Variants in MBTD1 observed in about 807,000 individuals in gnomAD.
MBTD1 encodes mbt domain containing 1, also known as MBT domain-containing protein 1.
Under a neutral mutation model 87.8 loss-of-function variants are expected in MBTD1, and 24 were observed. That is an observed-to-expected ratio of 0.27 (90% CI 0.20 to 0.38). MBTD1 has a LOEUF of 0.38. MBTD1 is among the 10% of genes least tolerant of loss of function. The pLI, the probability that MBTD1 is intolerant of heterozygous loss-of-function variation, is 1.00. For missense variants in MBTD1, 436 were observed against 760.2 expected, an observed-to-expected ratio of 0.57 and a Z score of 5.02; for synonymous variants, 237 against 248.6, an observed-to-expected ratio of 0.95 and a Z score of 0.44.
intron 2 of MBTD1, among the ~76,000 whole-genome samples, chr17:51,246,052 A>G (rs144404612): frequency 8.4e-4 from 128 of 152,330 alleles, no homozygotes; most frequent in African/African-American, 3.0e-3. Context: ...GGTTTTTAAC[A>G]ACGTTTTTAA....
chr17:51,229,338 A>AT (rs1056188607), intron 2 of MBTD1, among the ~76,000 whole-genome samples: 72 of 151,644 alleles, frequency 4.7e-4, no homozygotes, highest in African/African-American at 1.7e-3. Context: ...TTAAGCTAAA[A>AT]TTTTTTTTTC....
At chr17:51,193,104 G>T (rs765394917) in intron 14 of MBTD1, 88 bp from the exon 15 acceptor site, 4 of 804,526 alleles carry the variant, frequency 5.0e-6, no homozygotes, top group Non-Finnish European at 8.2e-6. Context: ...AAACAGAAGC[G>T]ACTAGCTAAA....
At chr17:51,208,358 C>T (rs549096310) in intron 6 of MBTD1, among the ~76,000 whole-genome samples, 204 of 152,240 alleles carry the variant, frequency 1.3e-3, no homozygotes, top group African/African-American at 4.6e-3. Context: ...AACTATCTCC[C>T]CGACTTGTGC....
intron 12 of MBTD1, among the ~76,000 whole-genome samples, chr17:51,198,043 T>C (rs868190453): frequency 2.0e-5 from 3 of 152,218 alleles, no homozygotes; most frequent in Non-Finnish European, 2.9e-5. Context: ...AGTTTGCCTC[T>C]CTTCCAGTGT....
At chr17:51,196,469 C>T (rs533535925) in intron 12 of MBTD1, among the ~76,000 whole-genome samples, 1 of 151,980 alleles carries the variant, frequency 6.6e-6, no homozygotes. Flanking sequence ...GGTGACCCAC[C>T]CACCTTGGCC....
intron 7 of MBTD1, among the ~76,000 whole-genome samples, chr17:51,206,428 C>T (rs546764404): frequency 1.3e-5 from 2 of 152,096 alleles, no homozygotes; most frequent in South Asian, 4.2e-4. Context: ...TTTTTAGTAC[C>T]TCAACTTTTG....
upstream of MBTD1, chr17:51,260,564 C>T (rs764846155): frequency 1.3e-5 from 21 of 1,601,648 alleles, no homozygotes; most frequent in Non-Finnish European, 1.5e-5. Flanking sequence ...TGAGCGCCTG[C>T]GTTTCTCCTC....
chr17:51,207,317 A>G (rs115195819), intron 6 of MBTD1, among the ~76,000 whole-genome samples: 6,717 of 152,260 alleles, frequency 0.044, 230 homozygotes, highest in African/African-American at 0.089. Flanking sequence ...GATTAAACTG[A>G]TTTAAGAAAT....
chr17:51,229,843 G>C (rs1325592105), intron 2 of MBTD1, among the ~76,000 whole-genome samples: 1 of 151,896 alleles, frequency 6.6e-6, no homozygotes, highest in East Asian at 1.9e-4. Flanking sequence ...TGTATTTTTA[G>C]TAGAGATGGG....
chr17:51,201,511 A>C, intron 12 of MBTD1, 81 bp downstream of exon 12: 1 of 804,968 alleles, frequency 1.2e-6, no homozygotes, highest in South Asian at 1.7e-5. Context: ...TGTCAAAACG[A>C]ATATGCTTGG....
chr17:51,238,678 A>G (rs192625423), intron 2 of MBTD1, among the ~76,000 whole-genome samples: 153 of 152,302 alleles, frequency 1.0e-3, no homozygotes, highest in African/African-American at 3.5e-3. Context: ...AAAAAAGTGA[A>G]CCAATCAGTA....
chr17:51,204,565 T>G (rs1023472685), intron 7 of MBTD1, among the ~76,000 whole-genome samples: 2 of 134,470 alleles, frequency 1.5e-5, no homozygotes, highest in Admixed American at 1.5e-4. Context: ...TGCAGTGGTG[T>G]GATCTTGGCT....
intron 2 of MBTD1, among the ~76,000 whole-genome samples, chr17:51,244,110 A>G (rs894718344): frequency 2.6e-5 from 4 of 152,186 alleles, no homozygotes; most frequent in Non-Finnish European, 5.9e-5. Flanking sequence ...ACACTTTGAA[A>G]TATGACCACA....
At chr17:51,247,938 G>A (rs1193735762) in intron 2 of MBTD1, among the ~76,000 whole-genome samples, 2 of 152,044 alleles carry the variant, frequency 1.3e-5, no homozygotes, top group Middle Eastern at 3.2e-3. Flanking sequence ...TCTCTAATGA[G>A]GTCAATTTTA....
intron 2 of MBTD1, among the ~76,000 whole-genome samples, chr17:51,256,142 A>G (rs2055075253): frequency 6.6e-6 from 1 of 152,196 alleles, no homozygotes; most frequent in South Asian, 2.1e-4. Flanking sequence ...ACATCTTAAC[A>G]TTTTATCTTA....
chr17:51,221,292 T>C (rs2052873452), intron 3 of MBTD1, among the ~76,000 whole-genome samples: 1 of 152,096 alleles, frequency 6.6e-6, no homozygotes, highest in Admixed American at 6.6e-5. Context: ...AAGGAGATCC[T>C]GAATCAAAAA....
intron 16 of MBTD1, among the ~76,000 whole-genome samples, chr17:51,182,267 G>C (rs931071755): frequency 1.3e-4 from 20 of 152,012 alleles, no homozygotes; most frequent in African/African-American, 4.8e-4. Context: ...TGGGATTACA[G>C]GTGTGTGCCA....
chr17:51,230,694 C>T (rs972482205), intron 2 of MBTD1, among the ~76,000 whole-genome samples: 1 of 151,792 alleles, frequency 6.6e-6, no homozygotes, highest in Non-Finnish European at 1.5e-5. Flanking sequence ...TTAGCACACT[C>T]GGAGGCCAGT....
At chr17:51,237,521 G>T (rs2053917654) in intron 2 of MBTD1, among the ~76,000 whole-genome samples, 1 of 151,896 alleles carries the variant, frequency 6.6e-6, no homozygotes, top group Non-Finnish European at 1.5e-5. Context: ...AGAGGCAAAA[G>T]ATCTAAACAG....
Sources: allele counts gnomAD v4.1 joint callset (sites outside exome capture counted in the v4.1 genomes callset), GRCh38; gene constraint gnomAD v4.1.1; transcripts MANE v1.5; gene names NCBI Gene and HGNC (gene_info 2026-07-23, HGNC 2026-07-21).